The following ADGRL2 variants were observed in gnomAD, a reference collection of about 807,000 sequenced individuals.
ADGRL2 encodes adhesion G protein-coupled receptor L2, also known as calcium-independent alpha-latrotoxin receptor 2.
A neutral mutation model predicts 157.4 loss-of-function variants in ADGRL2; 44 were observed. That is an observed-to-expected ratio of 0.28 (90% CI 0.22 to 0.36). The LOEUF is 0.36. ADGRL2 is among the 10% of genes least tolerant of loss of function. ADGRL2 has a pLI of 1.00. For synonymous variants in ADGRL2, 585 were observed against 624.7 expected, an observed-to-expected ratio of 0.94 and a Z score of 0.95; for missense variants, 1,510 against 1,768.9, an observed-to-expected ratio of 0.85 and a Z score of 2.63.
rs1388279867 is a variant in ADGRL2 at position 81,445,943 on chromosome 1, G to T, written c.-248+854G>T. On this transcript the variant is annotated intron_variant, in intron 2 of 24. Transcript: ENST00000370721. Reference sequence around the variant, plus strand: ...CTGATTTCACAAAGCTCTATTTTTTGATGTCCTCACTTTACGGATTGTTTC... The same window carrying T: ...CTGATTTCACAAAGCTCTATTTTTTTATGTCCTCACTTTACGGATTGTTTC... Among the ~76,000 whole-genome samples the T allele has an allele frequency of 3.3e-5, 5 of 152,036 alleles. No individual in the cohort carries two copies. The South Asian group carries it at 1.0e-3, about 31-fold the overall frequency.
chr1:81,751,321 T>C (rs980016997), intron 1 of ADGRL2, among the ~76,000 whole-genome samples: 2 of 152,184 alleles, frequency 1.3e-5, no homozygotes, highest in African/African-American at 4.8e-5. Flanking sequence ...TATACAGTCA[T>C]CACCTTAATC....
intron 2 of ADGRL2, among the ~76,000 whole-genome samples, chr1:81,468,707 C>T (rs2078110626): frequency 6.6e-6 from 1 of 152,152 alleles, no homozygotes; most frequent in Admixed American, 6.5e-5. Flanking sequence ...TTATGCATAT[C>T]CTGTGTGTAG....
chr1:81,883,497 A>G (rs1477444359), intron 2 of ADGRL2, among the ~76,000 whole-genome samples: 2 of 152,162 alleles, frequency 1.3e-5, no homozygotes, highest in Non-Finnish European at 2.9e-5. Context: ...ACTAATTCTA[A>G]GAGAGTATAA....
At position 81,834,925 on chromosome 1, in the gene ADGRL2, C is replaced by A. The variant is rs568910843; in HGVS notation, c.-100-1960C>A. ...TAAAAATTTTCATAAGATATTCTTT[C>A]CTGGCCAAAGACCACAATAGAGGTC... On this transcript the variant is annotated intron_variant, in intron 1 of 23. Transcript: ENST00000686636. 1.2e-3 allele frequency among the ~76,000 whole-genome samples: 189 copies of A among 152,198 alleles called. 7 individuals carry two copies. In the South Asian group the frequency reaches 0.036, roughly 29 times the overall value.
At chr1:81,483,013 T>C (rs2147893145) in intron 2 of ADGRL2, among the ~76,000 whole-genome samples, 1 of 152,210 alleles carries the variant, frequency 6.6e-6, no homozygotes. Context: ...TGGAGCTATT[T>C]TTTTATTTAA....
In ADGRL2 at chr1:81,636,406, T is replaced by C. The variant is rs377722160; in HGVS notation, c.-143+55426T>C. Among the ~76,000 whole-genome samples, 3 of 152,272 alleles carry C rather than the reference T, an allele frequency of 2.0e-5. No individual in the cohort carries two copies. The East Asian group carries it at 5.8e-4, about 29-fold the overall frequency. On this transcript the variant is annotated intron_variant, in intron 3 of 24. Coordinates refer to the ADGRL2 transcript ENST00000370721. Reference sequence around the variant, plus strand: ...TATGGAGTAACATGGGAGATTCTCATGGGCTTTTATGATAAAATAAGTGTT... The same window carrying C: ...TATGGAGTAACATGGGAGATTCTCACGGGCTTTTATGATAAAATAAGTGTT...
chr1:81,503,399 A>G, intron 2 of ADGRL2: 1 of 1,613,720 alleles, frequency 6.2e-7, no homozygotes, highest in Non-Finnish European at 8.5e-7. Context: ...AGCAGCTCTC[A>G]CTGTTCACCA....
At chr1:81,575,262 A>G (rs1438337410) in intron 2 of ADGRL2, among the ~76,000 whole-genome samples, 3 of 152,184 alleles carry the variant, frequency 2.0e-5, no homozygotes, top group African/African-American at 7.2e-5. Context: ...TGTCTGATGA[A>G]GTACAGATGA....
intron 21 of ADGRL2, among the ~76,000 whole-genome samples, chr1:81,986,146 T>A (rs1025118980): frequency 2.6e-5 from 4 of 152,108 alleles, no homozygotes; most frequent in Admixed American, 2.0e-4. Flanking sequence ...ACATAATCAG[T>A]AAGTATTTAA....
chr1:81,815,347 C>G (rs2090291200), intron 1 of ADGRL2, among the ~76,000 whole-genome samples: 1 of 151,796 alleles, frequency 6.6e-6, no homozygotes, highest in South Asian at 2.1e-4. Context: ...TTTGACAGAG[C>G]ATCATGCTGT....
intron 4 of ADGRL2, among the ~76,000 whole-genome samples, chr1:81,937,937 T>C (rs567858582): frequency 6.6e-6 from 1 of 151,958 alleles, no homozygotes; most frequent in South Asian, 2.1e-4. Flanking sequence ...TGACACATGC[T>C]GTGAAGGCAC....
Position 81,652,978 on chromosome 1 carries a change from G to A in ADGRL2, c.-143+71998G>A, listed in dbSNP as rs554270340. 7.9e-5 allele frequency among the ~76,000 whole-genome samples: 12 copies of A among 151,990 alleles called. No individual in the cohort carries two copies. The South Asian group carries it at 2.1e-3, about 26-fold the overall frequency. On this transcript the variant is annotated intron_variant, in intron 3 of 24. Transcript: ENST00000370721. ...ATTAAAGTGAATCATTTGATCATTT[G>A]TCCTGAACAGATCCCACAGTCTAGA...
chr1:81,388,665 G>A (rs952738033), intron 1 of ADGRL2, among the ~76,000 whole-genome samples: 1 of 152,236 alleles, frequency 6.6e-6, no homozygotes, highest in Admixed American at 6.5e-5. Context: ...GCACAGATAG[G>A]AGTAAACGTG....
intron 19 of ADGRL2, among the ~76,000 whole-genome samples, chr1:81,982,214 T>G (rs1661863458): frequency 6.6e-6 from 1 of 151,940 alleles, no homozygotes; most frequent in African/African-American, 2.4e-5. Context: ...GGTTAAGATT[T>G]CTTCCTTGCT....
At position 81,888,314 on chromosome 1, in the gene ADGRL2, A is replaced by G. The variant is rs1258112628; in HGVS notation, c.74-18703A>G. ...TTTAGTATTTTGGAAATACTGGAAC[A>G]GCTTTCAGTACCTTTGCAAAATGCC... On this transcript the variant is annotated intron_variant, in intron 2 of 23. Coordinates refer to ENST00000686636, the MANE Select transcript of ADGRL2 (RefSeq NM_001366006.2). Among the ~76,000 whole-genome samples, 3 of 152,244 alleles carry G rather than the reference A, an allele frequency of 2.0e-5. No homozygotes were observed. The East Asian group carries it at 5.8e-4, about 29-fold the overall frequency.
In ADGRL2 at chr1:81,820,885, T is replaced by C. The variant is rs776838243; in HGVS notation, c.-100-16000T>C. Among the ~76,000 whole-genome samples the C allele has an allele frequency of 6.8e-4, 103 of 152,164 alleles. 1 individual carries two copies. Among genetic ancestry groups the C allele is most frequent in the Non-Finnish European group, 1.3e-3 (88 of 68,028 alleles). Reference sequence around the variant, plus strand: ...CAGAAAACATGCAAGTAGGAATCTTTTGTAGTTCTCCATGGCCTATAATCC... The same window carrying C: ...CAGAAAACATGCAAGTAGGAATCTTCTGTAGTTCTCCATGGCCTATAATCC... On this transcript the variant is annotated intron_variant, in intron 1 of 23. Transcript: ENST00000686636.
intron 2 of ADGRL2, among the ~76,000 whole-genome samples, chr1:81,525,294 A>G (rs182677395): frequency 1.6e-4 from 25 of 152,156 alleles, no homozygotes; most frequent in Non-Finnish European, 2.8e-4. Context: ...ACGTGTAGTA[A>G]AAATGTCAAC....
intron 2 of ADGRL2, among the ~76,000 whole-genome samples, chr1:81,492,296 C>G (rs1557731926): frequency 6.6e-6 from 1 of 152,050 alleles, no homozygotes; most frequent in Admixed American, 6.5e-5. Context: ...CTTGAACACA[C>G]AAAAGAGAAG....
At chr1:81,831,635 G>A (rs182611326) in intron 1 of ADGRL2, among the ~76,000 whole-genome samples, 2 of 151,968 alleles carry the variant, frequency 1.3e-5, no homozygotes, top group Non-Finnish European at 2.9e-5. Flanking sequence ...TCTTAAGGTT[G>A]TTGGGAAAAT....
Sources: allele counts gnomAD v4.1 joint callset (sites outside exome capture counted in the v4.1 genomes callset), GRCh38; gene constraint gnomAD v4.1.1; transcripts MANE v1.5; gene names NCBI Gene and HGNC (gene_info 2026-07-23, HGNC 2026-07-21).